The following GJA8 variants were observed in gnomAD, a reference collection of about 807,000 sequenced individuals.
GJA8 encodes the protein gap junction alpha-8 protein.
A neutral mutation model predicts 15.3 loss-of-function variants in GJA8; 13 were observed. That is an observed-to-expected ratio of 0.85 (90% CI 0.55 to 1.35). The LOEUF (loss-of-function observed/expected upper bound fraction) is 1.35. Among genes scored for constraint, GJA8 ranks in the 40% most tolerant of loss-of-function variants. The probability of loss-of-function intolerance (pLI) is 0.00; values close to 1 mark genes in which losing one functional copy is unlikely to be tolerated. For synonymous variants in GJA8, 304 were observed against 238.7 expected (o/e 1.27, Z -2.52); for missense variants, 607 against 553.3 (o/e 1.10, Z -0.97).
At chr1:147,909,737 G>C (rs587634014), downstream of GJA8, among the ~76,000 whole-genome samples, 1 of 152,340 alleles carries the variant, frequency 6.6e-6, no homozygotes, top group African/African-American at 2.4e-5. Flanking sequence ...TGCAAGACAG[G>C]CCTGTTCTAA....
chr1:147,912,368 C>T (rs1423347211), downstream of GJA8, among the ~76,000 whole-genome samples: 2 of 152,156 alleles, frequency 1.3e-5, no homozygotes, highest in African/African-American at 4.8e-5. Flanking sequence ...AGAAGAGATT[C>T]AAAACAGAAT....
downstream of GJA8, among the ~76,000 whole-genome samples, chr1:147,909,720 C>A (rs111711592): frequency 5.3e-5 from 8 of 152,304 alleles, no homozygotes; most frequent in African/African-American, 1.7e-4. Flanking sequence ...AGACAGGTGA[C>A]ATAAGTTGCA....
downstream of GJA8, among the ~76,000 whole-genome samples, chr1:147,911,914 G>A (rs1178039363): frequency 6.7e-6 from 1 of 148,822 alleles, no homozygotes; most frequent in Non-Finnish European, 1.5e-5. Flanking sequence ...GTGATAGAGC[G>A]TCTTTCCTCA....
downstream of GJA8, among the ~76,000 whole-genome samples, chr1:147,913,186 G>A (rs1236774777): frequency 2.6e-5 from 4 of 152,042 alleles, no homozygotes; most frequent in Non-Finnish European, 5.9e-5. Flanking sequence ...AGATGTTATA[G>A]GTCTTTTTTA....
At chr1:147,907,804 G>T in intron 1 of GJA8, 141 bp from the exon 2 acceptor site, 1 of 710,924 alleles carries the variant, frequency 1.4e-6, no homozygotes, top group African/African-American at 1.7e-5. Context: ...CTGCACAAAG[G>T]AAGCACTGGA....
rs782578309 is a variant in GJA8 at position 147,908,078 on chromosome 1, A to C, written c.123A>C (p.Ala41=). Reference sequence around the variant, plus strand: ...GGATCCTCATCCTTGGCACGGCCGCAGAGTTCGTGTGGGGGGATGAGCAAT... The same window carrying C: ...GGATCCTCATCCTTGGCACGGCCGCCGAGTTCGTGTGGGGGGATGAGCAAT... ...IFRILILGTA[A]EFVWGDEQSD... The change falls in exon 2 of 2, where the codon GCA becomes GCC. Residue 41 remains alanine (A), a synonymous_variant. Transcript: ENST00000369235. The C allele has an allele frequency of 6.2e-7, 1 of 1,614,124 alleles. No homozygotes were observed. The highest frequency in any genetic ancestry group is 2.2e-5 in the East Asian group (1 of 44,862).
chr1:147,906,111 T>C (rs984192108), intron 1 of GJA8, among the ~76,000 whole-genome samples: 3 of 152,278 alleles, frequency 2.0e-5, no homozygotes, highest in African/African-American at 7.2e-5. Flanking sequence ...TAGGCTTTTG[T>C]GTTTAACAAA....
At position 147,908,593 on chromosome 1, in the gene GJA8, C is replaced by T. The variant is rs781838607; in HGVS notation, c.638C>T (p.Ala213Val). The T allele has an allele frequency of 2.5e-6, 4 of 1,614,108 alleles. No individual in the cohort carries two copies. The highest frequency in any genetic ancestry group is 3.4e-6 in the Non-Finnish European group (4 of 1,180,036). The change falls in exon 2 of 2, where the codon GCC becomes GTC. Residue 213 changes from alanine to valine, a missense_variant. Coordinates refer to ENST00000369235, the MANE Select transcript of GJA8 (RefSeq NM_005267.5). ...TTCATCCTGTTCATGTTGTCTGTGGCCTCTGTGTCCCTATTCCTCAACGTG... is the reference window on the plus strand; with the variant it reads ...TTCATCCTGTTCATGTTGTCTGTGGTCTCTGTGTCCCTATTCCTCAACGTG... ...TIFILFMLSV[A>V]SVSLFLNVME... is the part of the protein sequence containing the mutation.
chr1:147,904,390 G>A (rs587756155), intron 1 of GJA8, among the ~76,000 whole-genome samples: 43 of 152,198 alleles, frequency 2.8e-4, no homozygotes, highest in Admixed American at 1.0e-3. Context: ...AATAAGATAC[G>A]TGAAAATGTA....
chr1:147,905,088 T>A (rs1293436491), intron 1 of GJA8, among the ~76,000 whole-genome samples: 2 of 152,198 alleles, frequency 1.3e-5, no homozygotes, highest in Non-Finnish European at 2.9e-5. Context: ...TACTATCCTT[T>A]TTGTTATTTA....
In GJA8 at chr1:147,909,074, G is replaced by A; in HGVS notation, c.1119G>A (p.Glu373=). 1 of 1,607,866 alleles carries A rather than the reference G, an allele frequency of 6.2e-7. No homozygotes were observed. Among genetic ancestry groups the A allele is most frequent in the Non-Finnish European group, 8.5e-7 (1 of 1,176,972 alleles). ...CCGTGCCAGAGGGGGAGAAAGTAGA[G>A]ACCCCCGGAGTGGATAAGGAGGGTG... ...KVAVPEGEKV[E]TPGVDKEGEK... is the part of the protein sequence containing the mutation. The change falls in exon 2 of 2, where the codon GAG becomes GAA. Residue 373 remains glutamate (E), a synonymous_variant. Transcript: ENST00000369235.
Position 147,908,318 on chromosome 1 carries a change from C to A in GJA8, c.363C>A (p.Asn121Lys). The change falls in exon 2 of 2, where the codon AAC (asparagine) becomes AAA (lysine). Residue 121 changes from asparagine (N) to lysine (K), a missense_variant. Transcript: ENST00000369235. ...AGCTGGGCCAGCAGGCGGGGACTAA[C>A]GGCGGCCCGGACCAGGGCAGCGTCA... Reference protein sequence around the residue: ...AEELGQQAGTNGGPDQGSVKK... With the variant: ...AEELGQQAGTKGGPDQGSVKK... 6.2e-7 allele frequency: 1 copy of A among 1,614,170 alleles called. No individual in the cohort carries two copies. The highest frequency in any genetic ancestry group is 1.6e-4 in the Middle Eastern group (1 of 6,062).
At chr1:147,903,275 G>T (rs139166604) in intron 1 of GJA8, among the ~76,000 whole-genome samples, 2 of 152,292 alleles carry the variant, frequency 1.3e-5, no homozygotes, top group East Asian at 1.9e-4. Context: ...TGGGGGTAGC[G>T]GAGGCTTCGT....
At position 147,906,459 on chromosome 1, in the gene GJA8, C is replaced by T. The variant is rs75905162; in HGVS notation, c.-11-1486C>T. 2.7e-3 allele frequency among the ~76,000 whole-genome samples: 405 copies of T among 152,266 alleles called. 2 individuals are homozygous for T. The highest frequency in any genetic ancestry group is 9.4e-3 in the African/African-American group (391 of 41,542). ...AGGCATTATATACTATCATGTTTAA[C>T]GATATTTTTTCTATAGACCAAATTT... is the stretch of plus-strand genomic sequence containing the variant. On this transcript the variant is annotated intron_variant, in intron 1 of 1. Transcript: ENST00000369235.
In GJA8 at chr1:147,908,344, A is replaced by G. The variant is rs1553242673; in HGVS notation, c.389A>G (p.Lys130Arg). ...GGCGGCCCGGACCAGGGCAGCGTCA[A>G]GAAGAGCAGCGGCAGCAAAGGCACT... ...TNGGPDQGSV[K>R]KSSGSKGTKK... Residue 130 changes from lysine to arginine, a missense_variant, in exon 2 of 2, where the codon AAG becomes AGG. Physicochemically the swap from Lys to Arg is conservative, Grantham distance 26. Coordinates refer to ENST00000369235, the MANE Select transcript of GJA8 (RefSeq NM_005267.5). 1.2e-6 allele frequency: 2 copies of G among 1,614,136 alleles called. No homozygotes were observed.
chr1:147,908,546 C>T lies in GJA8; in HGVS notation c.591C>T (p.Ser197=), dbSNP rs781839405. ...CCAATGTGGTGGACTGCTTCGTGTC[C>T]CGGCCCACGGAGAAAACCATCTTCA... The part of the protein sequence containing the change: ...PCPNVVDCFV[S]RPTEKTIFIL... Residue 197 remains serine, a synonymous_variant, in exon 2 of 2, where the codon TCC becomes TCT. Transcript: ENST00000369235. 55 of 1,614,052 alleles carry T rather than the reference C, an allele frequency of 3.4e-5. No homozygotes were observed. The highest frequency in any genetic ancestry group is 4.5e-5 in the Non-Finnish European group (53 of 1,180,042).
chr1:147,909,271 A>G (rs782152627), downstream of GJA8: 35 of 916,202 alleles, frequency 3.8e-5, no homozygotes, highest in African/African-American at 6.7e-4. Context: ...GACGCCAAAG[A>G]AAAAAAAAAA....
Position 147,909,068 on chromosome 1 carries a change from A to G in GJA8, c.1113A>G (p.Lys371=), listed in dbSNP as rs1651971623. 1.2e-6 allele frequency: 2 copies of G among 1,606,316 alleles called. No individual in the cohort carries two copies. The highest frequency in any genetic ancestry group is 1.7e-6 in the Non-Finnish European group (2 of 1,176,172). The change falls in exon 2 of 2, where the codon AAA becomes AAG. Residue 371 remains lysine, a synonymous_variant. Coordinates refer to ENST00000369235, the MANE Select transcript of GJA8 (RefSeq NM_005267.5). ...AGGTGGCCGTGCCAGAGGGGGAGAAAGTAGAGACCCCCGGAGTGGATAAGG... is the reference window on the plus strand; with the variant it reads ...AGGTGGCCGTGCCAGAGGGGGAGAAGGTAGAGACCCCCGGAGTGGATAAGG... The part of the protein sequence containing the change: ...QEKVAVPEGE[K]VETPGVDKEG...
In GJA8 at chr1:147,908,894, C is replaced by A; in HGVS notation, c.939C>A (p.Ser313=). 1 of 1,613,918 alleles carries A rather than the reference C, an allele frequency of 6.2e-7. No individual in the cohort carries two copies. The highest frequency in any genetic ancestry group is 8.5e-7 in the Non-Finnish European group (1 of 1,179,826). Reference sequence around the variant, plus strand: ...GCACAGGACCCCTGGGGGACTTGTCCCGGGGCTACCAAGAGACACTGCCTT... The same window carrying A: ...GCACAGGACCCCTGGGGGACTTGTCACGGGGCTACCAAGAGACACTGCCTT... The part of the protein sequence containing the change: ...KISTGPLGDL[S]RGYQETLPSY... The change falls in exon 2 of 2, where the codon TCC becomes TCA. Residue 313 remains serine (S), a synonymous_variant. Coordinates refer to ENST00000369235, the MANE Select transcript of GJA8 (RefSeq NM_005267.5).
Sources: gnomAD v4.1 joint callset for allele counts (sites outside exome capture counted in the v4.1 genomes callset) on GRCh38, gnomAD v4.1.1 for gene constraint, MANE v1.5 for transcripts, NCBI Gene and HGNC (gene_info 2026-07-23, HGNC 2026-07-21) for gene names.